SLC38A8: variants seen among roughly 807,000 people sequenced by gnomAD.
SLC38A8 encodes the protein solute carrier family 38 member 8.
Under a neutral mutation model 46.0 loss-of-function variants are expected in SLC38A8, and 65 were observed. That is an observed-to-expected ratio of 1.41 (90% CI 1.16 to 1.74). The LOEUF (loss-of-function observed/expected upper bound fraction) is 1.74. Among genes scored for constraint, SLC38A8 ranks in the 40% most tolerant of loss-of-function variants. The pLI is 0.00. For missense variants in SLC38A8, 998 were observed against 567.9 expected (o/e 1.76, Z -7.70); for synonymous variants, 447 against 243.7 (o/e 1.83, Z -7.77).
intron 10 of SLC38A8, 103 bp downstream of exon 10, chr16:84,012,898 C>T: frequency 2.3e-6 from 3 of 1,290,480 alleles, no homozygotes; most frequent in Non-Finnish European, 3.3e-6. Context: ...TTCTCACCTG[C>T]AGGATGCAGA....
intron 9 of SLC38A8, among the ~76,000 whole-genome samples, chr16:84,014,174 T>C (rs1474472108): frequency 1.3e-5 from 2 of 150,470 alleles, no homozygotes; most frequent in Admixed American, 6.6e-5. Flanking sequence ...CCCTCACCTC[T>C]GAAAGCCCCG....
At chr16:84,027,940 T>C (rs1210134769) in intron 6 of SLC38A8, among the ~76,000 whole-genome samples, 2 of 152,162 alleles carry the variant, frequency 1.3e-5, no homozygotes, top group African/African-American at 4.8e-5. Flanking sequence ...TTTCAAAATA[T>C]TGGGCGTGCA....
intron 3 of SLC38A8, among the ~76,000 whole-genome samples, chr16:84,034,024 T>C (rs2085275426): frequency 6.6e-6 from 1 of 152,212 alleles, no homozygotes; most frequent in African/African-American, 2.4e-5. Flanking sequence ...TAGAATTGGC[T>C]GAGGTTGCTT....
intron 6 of SLC38A8, among the ~76,000 whole-genome samples, chr16:84,028,602 G>C (rs1054987465): frequency 6.6e-6 from 1 of 151,150 alleles, no homozygotes; most frequent in Admixed American, 6.6e-5. Flanking sequence ...TGGAAGAGCA[G>C]TGTCTGCTTC....
intron 8 of SLC38A8, 128 bp from the exon 9 acceptor site, chr16:84,016,855 T>G (rs924429604): frequency 2.6e-5 from 30 of 1,161,654 alleles, no homozygotes; most frequent in Non-Finnish European, 3.1e-5. Context: ...CTCAGGTGTT[T>G]ATTCCCCAGG....
At chr16:84,027,294 G>T (rs555502653) in intron 6 of SLC38A8, among the ~76,000 whole-genome samples, 1 of 152,304 alleles carries the variant, frequency 6.6e-6, no homozygotes, top group Non-Finnish European at 1.5e-5. Flanking sequence ...AGGCTGCAGT[G>T]AGCCAAGATC....
chr16:84,030,014 G>C (rs2085219603), intron 5 of SLC38A8, among the ~76,000 whole-genome samples: 1 of 152,182 alleles, frequency 6.6e-6, no homozygotes, highest in Non-Finnish European at 1.5e-5. Context: ...ATCCCCGCCT[G>C]GTTCACAGCT....
At position 84,042,575 on chromosome 16, in the gene SLC38A8, C is replaced by G. The variant is rs1002930496; in HGVS notation, c.-27G>C. On this transcript the variant is annotated 5_prime_UTR_variant, in exon 1 of 11. Coordinates refer to ENST00000299709, the MANE Select transcript of SLC38A8 (RefSeq NM_001080442.3). ...CCACCAAATCCAACTTTTAAGGTGC[C>G]GGACAGTCTTTGGCTGTTGGGGATG... 6.2e-6 allele frequency: 1 copy of G among 160,410 alleles called. No homozygotes were observed. Among genetic ancestry groups the G allele is most frequent in the African/African-American group, 2.4e-5 (1 of 41,786 alleles). The allele number at this position is 160,410 out of a possible 1,614,324, so 9.9% of individuals were successfully genotyped here.
At chr16:84,038,759 G>C (rs1397220703) in intron 2 of SLC38A8, among the ~76,000 whole-genome samples, 3 of 152,150 alleles carry the variant, frequency 2.0e-5, no homozygotes, top group African/African-American at 7.2e-5. Context: ...CACCGGTCTA[G>C]TATTTTCCAC....
chr16:84,013,426 T>TG (rs1567689144), intron 9 of SLC38A8, among the ~76,000 whole-genome samples: 5 of 95,094 alleles, frequency 5.3e-5, no homozygotes, highest in African/African-American at 3.2e-4. Context: ...GTGTGTGTGT[T>TG]TTTTTTTTTT....
chr16:84,013,039 G>A lies in SLC38A8; in HGVS notation c.1176C>T (p.Ile392=). ...CTATAGGCTCGACACCCATTGCACAGATGAGGCACAAACCTGCAAAAAAGA... is the reference window on the plus strand; with the variant it reads ...CTATAGGCTCGACACCCATTGCACAAATGAGGCACAAACCTGCAAAAAAGA... ...FIFIFPGLCL[I]CAMGVEPIGP... The change falls in exon 10 of 11, where the codon ATC becomes ATT. Residue 392 remains isoleucine (I), a synonymous_variant. Transcript: ENST00000299709. 3 of 1,614,152 alleles carry A rather than the reference G, an allele frequency of 1.9e-6. No homozygotes were observed. Among genetic ancestry groups the A allele is most frequent in the South Asian group, 1.1e-5 (1 of 91,086 alleles).
At chr16:84,027,355 A>T (rs751796502) in intron 6 of SLC38A8, among the ~76,000 whole-genome samples, 3 of 150,862 alleles carry the variant, frequency 2.0e-5, no homozygotes, top group Non-Finnish European at 2.9e-5. Context: ...CACAAAAGCA[A>T]AATTAAAACA....
chr16:84,031,039 T>A (rs2085231977), intron 5 of SLC38A8, among the ~76,000 whole-genome samples: 1 of 152,126 alleles, frequency 6.6e-6, no homozygotes, highest in Admixed American at 6.5e-5. Flanking sequence ...TGAGCCTTTT[T>A]ATTAATTTTT....
chr16:84,021,249 G>C (rs896301643), intron 7 of SLC38A8, among the ~76,000 whole-genome samples: 2 of 152,120 alleles, frequency 1.3e-5, no homozygotes, highest in African/African-American at 4.8e-5. Flanking sequence ...ATTTTTAATA[G>C]AAATGCGGTT....
intron 6 of SLC38A8, among the ~76,000 whole-genome samples, chr16:84,028,856 T>C (rs1283885473): frequency 1.3e-5 from 2 of 152,252 alleles, no homozygotes; most frequent in Non-Finnish European, 1.5e-5. Flanking sequence ...CTGCTGCCCA[T>C]ACATCCTTCA....
chr16:84,012,867 C>G, intron 10 of SLC38A8, 134 bp downstream of exon 10: 3 of 1,006,518 alleles, frequency 3.0e-6, no homozygotes, highest in Non-Finnish European at 4.5e-6. Flanking sequence ...GACAGAGACT[C>G]TCTTCCTGTG....
At chr16:84,023,830 G>A (rs567423220) in intron 6 of SLC38A8, among the ~76,000 whole-genome samples, 9 of 152,308 alleles carry the variant, frequency 5.9e-5, no homozygotes, top group Admixed American at 1.3e-4. Flanking sequence ...GGAGGCGGAG[G>A]TTGCAGTGAG....
Position 84,017,349 on chromosome 16 carries a change from C to G in SLC38A8, c.806-62G>C, listed in dbSNP as rs1198211990. 5 of 1,584,890 alleles carry G rather than the reference C, an allele frequency of 3.2e-6. No individual in the cohort carries two copies. The African/African-American group carries it at 5.4e-5, about 17-fold the overall frequency. ...TAGGAAAATGCTGCCCCCTCCCCCA[C>G]CAACAGACAGACAGCGCCTGGCTTT... On this transcript the variant is annotated intron_variant, in intron 7 of 10. Transcript: ENST00000299709.
At chr16:84,011,914 T>A (rs11859043) in intron 10 of SLC38A8, among the ~76,000 whole-genome samples, 42,609 of 151,922 alleles carry the variant, frequency 0.28, 8,502 homozygotes, top group African/African-American at 0.57. Context: ...GCAGAGGGAT[T>A]TCTGAGACGC....
Sources: allele counts gnomAD v4.1 joint callset (sites outside exome capture counted in the v4.1 genomes callset), GRCh38; gene constraint gnomAD v4.1.1; transcripts MANE v1.5; gene names NCBI Gene and HGNC (gene_info 2026-07-23, HGNC 2026-07-21).